GSG1L: variants seen among roughly 807,000 people sequenced by gnomAD.
The protein encoded by GSG1L is GSG1 like.
Under a neutral mutation model 42.1 loss-of-function variants are expected in GSG1L, and 24 were observed. That is an observed-to-expected ratio of 0.57 (90% confidence interval 0.41 to 0.80). GSG1L has a LOEUF of 0.80. GSG1L is among the 30% of genes least tolerant of loss of function. GSG1L has a pLI of 0.00. For missense variants in GSG1L, 445 were observed against 472.2 expected (o/e 0.94, Z 0.53); for synonymous variants, 215 against 203.5 (o/e 1.06, Z -0.48).
At chr16:28,045,819 A>G (rs1410727166) in intron 1 of GSG1L, among the ~76,000 whole-genome samples, 1 of 152,088 alleles carries the variant, frequency 6.6e-6, no homozygotes, top group Non-Finnish European at 1.5e-5. Context: ...AACATGGTGA[A>G]ACTCCACCTC....
intron 2 of GSG1L, among the ~76,000 whole-genome samples, chr16:27,902,305 G>C (rs1305453162): frequency 6.6e-6 from 1 of 152,202 alleles, no homozygotes; most frequent in Non-Finnish European, 1.5e-5. Flanking sequence ...CAGGAGAAGG[G>C]AGCCGCTGTC....
intron 3 of GSG1L, among the ~76,000 whole-genome samples, chr16:27,871,238 C>G (rs565827279): frequency 4.3e-4 from 65 of 152,236 alleles, no homozygotes; most frequent in African/African-American, 1.4e-3. Flanking sequence ...GCTGGACACC[C>G]CACAATGCAC....
At chr16:27,941,309 A>C (rs2084791438) in intron 2 of GSG1L, among the ~76,000 whole-genome samples, 1 of 151,906 alleles carries the variant, frequency 6.6e-6, no homozygotes. Flanking sequence ...CTTACCACCA[A>C]CAAAAAAACA....
At chr16:27,965,663 A>C (rs769703761) in intron 1 of GSG1L, among the ~76,000 whole-genome samples, 2 of 152,176 alleles carry the variant, frequency 1.3e-5, no homozygotes, top group Non-Finnish European at 2.9e-5. Flanking sequence ...CCCTGCTGCC[A>C]TCTTTATCTC....
intron 1 of GSG1L, among the ~76,000 whole-genome samples, chr16:27,966,848 C>G (rs1012445089): frequency 6.6e-5 from 10 of 152,196 alleles, no homozygotes; most frequent in African/African-American, 2.4e-4. Flanking sequence ...CTTAAAGAAT[C>G]AGAAGATCCA....
At chr16:27,986,971 C>A (rs1009891859) in intron 1 of GSG1L, among the ~76,000 whole-genome samples, 2 of 152,174 alleles carry the variant, frequency 1.3e-5, no homozygotes, top group African/African-American at 4.8e-5. Flanking sequence ...AATCCCAGCA[C>A]TTTGGGAGGC....
chr16:27,849,610 T>C (rs2083484659), intron 3 of GSG1L, among the ~76,000 whole-genome samples: 2 of 152,182 alleles, frequency 1.3e-5, no homozygotes, highest in South Asian at 4.1e-4. Flanking sequence ...CAATCATAGC[T>C]CACTGTTAAC....
intron 5 of GSG1L, among the ~76,000 whole-genome samples, chr16:27,827,774 C>G (rs931596722): frequency 2.9e-4 from 44 of 152,036 alleles, no homozygotes; most frequent in African/African-American, 3.9e-4. Flanking sequence ...CCACTCATAC[C>G]TACTCATCTA....
At chr16:27,820,428 G>C (rs752592627) in intron 5 of GSG1L, among the ~76,000 whole-genome samples, 17 of 152,088 alleles carry the variant, frequency 1.1e-4, no homozygotes, top group Non-Finnish European at 1.8e-4. Context: ...GAGCTGCTTC[G>C]TGGAGTGAGG....
At chr16:28,008,740 C>T (rs1567554105) in intron 1 of GSG1L, among the ~76,000 whole-genome samples, 2 of 152,214 alleles carry the variant, frequency 1.3e-5, no homozygotes, top group African/African-American at 4.8e-5. Flanking sequence ...CCTCACTGCA[C>T]ATTTGAGTTA....
intron 4 of GSG1L, among the ~76,000 whole-genome samples, chr16:27,842,693 A>G (rs1264163384): frequency 2.0e-5 from 3 of 152,158 alleles, no homozygotes; most frequent in African/African-American, 7.2e-5. Flanking sequence ...TTAATGGGTC[A>G]AGGTCCCTTT....
intron 6 of GSG1L, among the ~76,000 whole-genome samples, chr16:27,801,340 A>G: frequency 6.6e-6 from 1 of 152,184 alleles, no homozygotes; most frequent in East Asian, 1.9e-4. Context: ...CTAGAAGAAG[A>G]ATCCCCGCTT....
At chr16:27,988,797 G>GT (rs2085418689) in intron 1 of GSG1L, among the ~76,000 whole-genome samples, 1 of 150,576 alleles carries the variant, frequency 6.6e-6, no homozygotes, top group Non-Finnish European at 1.5e-5. Flanking sequence ...GCTCACGTCT[G>GT]TAATCCCAGC....
At chr16:28,027,845 A>G (rs2085916942) in intron 1 of GSG1L, among the ~76,000 whole-genome samples, 1 of 152,062 alleles carries the variant, frequency 6.6e-6, no homozygotes, top group Non-Finnish European at 1.5e-5. Context: ...ACATAATGAG[A>G]CCCTGTCTCT....
intron 6 of GSG1L, 107 bp from the exon 7 acceptor site, chr16:27,791,574 G>A (rs904403664): frequency 1.6e-6 from 1 of 629,682 alleles, no homozygotes; most frequent in Non-Finnish European, 2.4e-6. Context: ...TCATTTACTA[G>A]GCCTTCTGCC....
chr16:27,991,323 T>C (rs570637231), intron 1 of GSG1L, among the ~76,000 whole-genome samples: 1 of 79,474 alleles, frequency 1.3e-5, no homozygotes. Context: ...ATAGGTTCTC[T>C]GTTTTTTGTT....
intron 1 of GSG1L, among the ~76,000 whole-genome samples, chr16:27,994,488 AAAAG>A (rs1490478064): frequency 2.0e-5 from 3 of 152,208 alleles, no homozygotes; most frequent in South Asian, 4.1e-4. Context: ...TCCTGTTTCA[AAAAG>A]AAAGAAAGAC....
chr16:27,896,377 C>T (rs570107973), intron 2 of GSG1L, among the ~76,000 whole-genome samples: 3 of 152,238 alleles, frequency 2.0e-5, no homozygotes, highest in Admixed American at 6.5e-5. Flanking sequence ...TTCCAGGATA[C>T]GTTACCTTGC....
intron 6 of GSG1L, among the ~76,000 whole-genome samples, chr16:27,796,074 A>AGAGTGAGG (rs1194035097): frequency 6.6e-5 from 10 of 152,236 alleles, no homozygotes; most frequent in African/African-American, 2.4e-4. Flanking sequence ...TGCAGCTGGC[A>AGAGTGAGG]GAGTGAGGGT....
Sources: gnomAD v4.1 joint callset for allele counts (sites outside exome capture counted in the v4.1 genomes callset) on GRCh38, gnomAD v4.1.1 for gene constraint, MANE v1.5 for transcripts, NCBI Gene and HGNC (gene_info 2026-07-23, HGNC 2026-07-21) for gene names.